The following LTBP2 variants were observed in gnomAD, a reference collection of about 807,000 sequenced individuals.
LTBP2 encodes the protein latent-transforming growth factor beta-binding protein 2.
LTBP2 carries 103 observed loss-of-function variants against 210.6 expected under a neutral mutation model. The observed-to-expected ratio is 0.49, with a 90% CI of 0.42 to 0.58. LTBP2 has a LOEUF of 0.58. LTBP2 is among the 20% of genes least tolerant of loss of function. The pLI is 0.00. For synonymous variants in LTBP2, 1,007 were observed against 1,015.0 expected, an observed-to-expected ratio of 0.99 and a Z score of 0.15; for missense variants, 2,313 against 2,494.5, an observed-to-expected ratio of 0.93 and a Z score of 1.55.
At position 74,591,785 on chromosome 14, in the gene LTBP2, GT is replaced by G. The variant is rs35013540; in HGVS notation, c.566-5668del. Among the ~76,000 whole-genome samples, 335 of 152,278 alleles carry G rather than the reference GT, an allele frequency of 2.2e-3. 3 individuals carry two copies. Among genetic ancestry groups the G allele is most frequent in the African/African-American group, 7.5e-3 (310 of 41,550 alleles). On this transcript the variant is annotated intron_variant, in intron 2 of 35. Transcript: ENST00000261978. ...GTCTATGAATGGGACAGTTCTGACAGTTTTTACCCATCTGCCATAAAGTCAG... is the reference window on the plus strand; with the variant it reads ...GTCTATGAATGGGACAGTTCTGACAGTTTTACCCATCTGCCATAAAGTCAG...
In LTBP2 at chr14:74,500,221, G is replaced by C. The variant is rs2086894473; in HGVS notation, c.*663C>G. ...CTCTTGCTGCTTTCTCAGGCTCTTT[G>C]TTCTTCTTCATTTGTGTCTCTTACA... On this transcript the variant is annotated 3_prime_UTR_variant, in exon 36 of 36. Coordinates refer to ENST00000261978, the MANE Select transcript of LTBP2 (RefSeq NM_000428.3). The C allele has an allele frequency of 4.3e-6, 1 of 234,854 alleles. No homozygotes were observed. The highest frequency in any genetic ancestry group is 8.4e-6 in the Non-Finnish European group (1 of 119,180). 14.5% of individuals were successfully genotyped at this position (234,854 alleles called of 1,614,324 possible).
At chr14:74,565,048 G>A (rs1416215166) in intron 3 of LTBP2, among the ~76,000 whole-genome samples, 2 of 152,206 alleles carry the variant, frequency 1.3e-5, no homozygotes, top group Admixed American at 1.3e-4. Context: ...TACTGAGTGG[G>A]TGAAGGGGAG....
chr14:74,512,979 A>G (rs1027895657), intron 18 of LTBP2, among the ~76,000 whole-genome samples: 2 of 152,252 alleles, frequency 1.3e-5, no homozygotes, highest in Non-Finnish European at 2.9e-5. Flanking sequence ...ATGAGCAGCA[A>G]TCCCTGTTTC....
intron 2 of LTBP2, among the ~76,000 whole-genome samples, chr14:74,593,340 G>A (rs1041950945): frequency 3.9e-5 from 6 of 152,314 alleles, no homozygotes; most frequent in Admixed American, 1.3e-4. Flanking sequence ...GCAAGAACAC[G>A]GGGTCGGGGG....
chr14:74,525,919 G>T (rs1282833786), intron 14 of LTBP2, among the ~76,000 whole-genome samples, 156 bp downstream of exon 14: 1 of 152,200 alleles, frequency 6.6e-6, no homozygotes, highest in Non-Finnish European at 1.5e-5. Context: ...TGTATAGAGA[G>T]CTCCCAGAAA....
Position 74,500,714 on chromosome 14 carries a change from G to A in LTBP2, c.*170C>T. 1 of 852,842 alleles carries A rather than the reference G, an allele frequency of 1.2e-6. No individual in the cohort carries two copies. The highest frequency in any genetic ancestry group is 1.9e-6 in the Non-Finnish European group (1 of 526,608). The allele number at this position is 852,842 out of a possible 1,614,324, so 52.8% of individuals were successfully genotyped here. On this transcript the variant is annotated 3_prime_UTR_variant, in exon 36 of 36. Transcript: ENST00000261978. ...AGCCAAGCAAGGGCATGGAGGCAATGACCGAAGCTTACAGCCAGAGGCTAA... is the reference window on the plus strand; with the variant it reads ...AGCCAAGCAAGGGCATGGAGGCAATAACCGAAGCTTACAGCCAGAGGCTAA...
chr14:74,559,713 T>C (rs1240279393), intron 3 of LTBP2: 1 of 152,228 alleles, frequency 6.6e-6, no homozygotes, highest in Non-Finnish European at 1.5e-5. Flanking sequence ...TCATTTCCTT[T>C]AAGCAAATCG....
intron 3 of LTBP2, among the ~76,000 whole-genome samples, chr14:74,578,985 A>G (rs2088099708): frequency 6.6e-6 from 1 of 152,140 alleles, no homozygotes; most frequent in African/African-American, 2.4e-5. Context: ...CCTCCCAAGT[A>G]GCTGGGATTA....
At chr14:74,565,542 G>A (rs1295271837) in intron 3 of LTBP2, among the ~76,000 whole-genome samples, 1 of 152,178 alleles carries the variant, frequency 6.6e-6, no homozygotes, top group Non-Finnish European at 1.5e-5. Flanking sequence ...GGACTAATAG[G>A]TGGAGGGAGT....
chr14:74,540,733 C>A (rs2087482401), intron 8 of LTBP2, among the ~76,000 whole-genome samples: 1 of 137,398 alleles, frequency 7.3e-6, no homozygotes, highest in Non-Finnish European at 1.5e-5. Flanking sequence ...CCACTGCACT[C>A]CAGCCTGGGC....
chr14:74,568,245 C>A (rs2087929125), intron 3 of LTBP2, among the ~76,000 whole-genome samples: 1 of 152,184 alleles, frequency 6.6e-6, no homozygotes, highest in Non-Finnish European at 1.5e-5. Flanking sequence ...AGCAGGTACA[C>A]TATATACAGC....
chr14:74,544,372 C>A (rs1595266017), intron 8 of LTBP2, among the ~76,000 whole-genome samples: 1 of 152,074 alleles, frequency 6.6e-6, no homozygotes, highest in East Asian at 1.9e-4. Context: ...AGTTTCAGGC[C>A]CAATTTTCTC....
rs2087665365 is a variant in LTBP2 at position 74,552,083 on chromosome 14, G to A, written c.1399+104C>T. ...AGAGGGAGGTTTGATCATAAAGGAAGGACTACAGGCAGCTTCCCTATCCCT... is the reference window on the plus strand; with the variant it reads ...AGAGGGAGGTTTGATCATAAAGGAAAGACTACAGGCAGCTTCCCTATCCCT... On this transcript the variant is annotated intron_variant, in intron 6 of 35. Coordinates refer to ENST00000261978, the MANE Select transcript of LTBP2 (RefSeq NM_000428.3). 6 of 1,076,584 alleles carry A rather than the reference G, an allele frequency of 5.6e-6. No homozygotes were observed. The African/African-American group carries it at 7.8e-5, about 14-fold the overall frequency. The allele number at this position is 1,076,584 out of a possible 1,614,324, so 66.7% of individuals were successfully genotyped here.
intron 21 of LTBP2, 98 bp downstream of exon 21, chr14:74,509,636 C>G: frequency 6.4e-7 from 1 of 1,560,214 alleles, no homozygotes; most frequent in South Asian, 1.1e-5. Flanking sequence ...CCTGGAGCCC[C>G]TCGGCATCAG....
intron 2 of LTBP2, among the ~76,000 whole-genome samples, chr14:74,592,202 TC>T (rs1566652388): frequency 6.6e-6 from 1 of 152,128 alleles, no homozygotes; most frequent in African/African-American, 2.4e-5. Flanking sequence ...TCTCAGAATC[TC>T]CAGTGGCAGA....
chr14:74,533,840 G>A lies in LTBP2; in HGVS notation c.1865-1292C>T, dbSNP rs1252393394. ...CTCACAATCTAAGATATGAGGAGTC[G>A]GGGGCCATCTTGATGATGGCACTTC... On this transcript the variant is annotated intron_variant, in intron 9 of 35. Transcript: ENST00000261978. 3.3e-5 allele frequency among the ~76,000 whole-genome samples: 5 copies of A among 152,322 alleles called. No homozygotes were observed. In the South Asian group the frequency reaches 8.3e-4, roughly 25 times the overall value.
At chr14:74,510,251 T>TCC (rs1566616642) in intron 19 of LTBP2, 38 bp from the exon 20 acceptor site, 1 of 1,609,982 alleles carries the variant, frequency 6.2e-7, no homozygotes, top group East Asian at 2.2e-5. Flanking sequence ...GCTGGCCTCC[T>TCC]CCCCATCCTG....
At position 74,508,478 on chromosome 14, in the gene LTBP2, G is replaced by A. The variant is rs989449132; in HGVS notation, c.3652+126C>T. The stretch of plus-strand genomic sequence containing the variant: ...GCAGGGCCGTGAGCACTTGCTCTCA[G>A]TACTGGTATTAAAAGGGACACCACT... On this transcript the variant is annotated intron_variant, in intron 24 of 35. Coordinates refer to ENST00000261978, the MANE Select transcript of LTBP2 (RefSeq NM_000428.3). 56 of 1,504,844 alleles carry A rather than the reference G, an allele frequency of 3.7e-5. No individual in the cohort carries two copies. In the Middle Eastern group the frequency reaches 7.0e-4, roughly 19 times the overall value. The allele number at this position is 1,504,844 out of a possible 1,614,324, so 93.2% of individuals were successfully genotyped here. A position where few individuals can be genotyped will look rare whatever the true frequency, so the allele number is the denominator to read the frequency against.
In LTBP2 at chr14:74,552,205, G is replaced by A; in HGVS notation, c.1381C>T (p.Pro461Ser). 2 of 1,609,816 alleles carry A rather than the reference G, an allele frequency of 1.2e-6. No individual in the cohort carries two copies. The highest frequency in any genetic ancestry group is 4.5e-5 in the East Asian group (2 of 44,748). The change falls in exon 6 of 36, where the codon CCG becomes TCG. Residue 461 changes from proline (P) to serine (S), a missense_variant. Pro to Ser is a moderately conservative substitution (Grantham distance 74). Coordinates refer to ENST00000261978, the MANE Select transcript of LTBP2 (RefSeq NM_000428.3). ...CACTCACCCAGCTGGTTGGAGAGCGGCAGTGTGAAAGTGGACTGCTTCAGT... is the reference window on the plus strand; with the variant it reads ...CACTCACCCAGCTGGTTGGAGAGCGACAGTGTGAAAGTGGACTGCTTCAGT... ...APLKQSTFTL[P>S]LSNQLASVNP...
Sources: gnomAD v4.1 joint callset for allele counts (sites outside exome capture counted in the v4.1 genomes callset) on GRCh38, gnomAD v4.1.1 for gene constraint, MANE v1.5 for transcripts, NCBI Gene and HGNC (gene_info 2026-07-23, HGNC 2026-07-21) for gene names.